SHB: variants seen among roughly 807,000 people sequenced by gnomAD.
SHB encodes SH2 domain-containing adapter protein B.
A neutral mutation model predicts 52.3 loss-of-function variants in SHB; 20 were observed. The observed-to-expected ratio is 0.38, with a 90% CI of 0.27 to 0.56. The LOEUF (loss-of-function observed/expected upper bound fraction) is 0.56, where lower values mean the gene tolerates loss of function less well. Ranked by LOEUF, SHB falls within the 20% of genes least tolerant of loss-of-function variation. SHB has a pLI of 0.71. For missense variants in SHB, 825 were observed against 723.3 expected (o/e 1.14, Z -1.61); for synonymous variants, 397 against 316.5 (o/e 1.25, Z -2.70).
In SHB at chr9:38,060,637, T is replaced by A. The variant is rs73439934; in HGVS notation, c.717+7292A>T. Among the ~76,000 whole-genome samples the A allele has an allele frequency of 3.7e-3, 560 of 152,294 alleles. 2 individuals are homozygous for A. The highest frequency in any genetic ancestry group is 0.013 in the African/African-American group (525 of 41,546). The stretch of plus-strand genomic sequence containing the variant: ...ACAGAACTGCACCTAGCTCAGAGTA[T>A]GTATAATAAAAGTATTAGCTAATAT... On this transcript the variant is annotated intron_variant, in intron 1 of 5. Coordinates refer to ENST00000377707, the MANE Select transcript of SHB (RefSeq NM_003028.3).
intron 3 of SHB, among the ~76,000 whole-genome samples, chr9:37,962,689 G>C (rs1832706847): frequency 6.6e-6 from 1 of 150,950 alleles, no homozygotes; most frequent in East Asian, 1.9e-4. Context: ...TTTTTTTTAA[G>C]TTTGTAGAGG....
rs1266070968 is a variant in SHB, at chr9:38,068,111, T to C, written c.535A>G (p.Ile179Val). ...TTGATGAGGCGGTGCTTGGGGGAGA[T>C]GTAGCGCACCTCGGCCGGCGTGGCG... is the stretch of plus-strand genomic sequence containing the variant. ...RPATPAEVRYISPKHRLIKVE... is the reference protein window; with the variant it reads ...RPATPAEVRYVSPKHRLIKVE... The change falls in exon 1 of 6, where the codon ATC (isoleucine) becomes GTC (valine). Residue 179 changes from isoleucine (I) to valine (V), a missense_variant. Physicochemically the swap from Ile to Val is conservative, Grantham distance 29 (BLOSUM62 3). Transcript: ENST00000377707. 2.4e-5 allele frequency: 35 copies of C among 1,471,746 alleles called. No individual in the cohort carries two copies. The highest frequency in any genetic ancestry group is 2.9e-5 in the Non-Finnish European group (33 of 1,123,694). The allele number at this position is 1,471,746 out of a possible 1,614,324, so 91.2% of individuals were successfully genotyped here.
At chr9:37,996,016 A>ATTT (rs1223581910) in intron 2 of SHB, among the ~76,000 whole-genome samples, 4 of 152,208 alleles carry the variant, frequency 2.6e-5, no homozygotes, top group Non-Finnish European at 5.9e-5. Flanking sequence ...TTCACCAGAA[A>ATTT]GCTCCCACTG....
chr9:37,953,981 T>C (rs1453084220), intron 4 of SHB, among the ~76,000 whole-genome samples: 3 of 152,024 alleles, frequency 2.0e-5, no homozygotes, highest in East Asian at 1.9e-4. Context: ...AGCCCAACCC[T>C]CCCACCTTGA....
At chr9:37,954,811 G>A (rs1832609585) in intron 4 of SHB, among the ~76,000 whole-genome samples, 1 of 152,180 alleles carries the variant, frequency 6.6e-6, no homozygotes, top group Non-Finnish European at 1.5e-5. Flanking sequence ...AGGTAATGTG[G>A]AGCCACTGAA....
In SHB at chr9:38,042,175, C is replaced by T. The variant is rs556385818; in HGVS notation, c.717+25754G>A. On this transcript the variant is annotated intron_variant, in intron 1 of 5. Transcript: ENST00000377707. ...GTATGTTACTTAAACCCTCTGTGCC[C>T]CTGTCTCCTCATCAGGGTAACGAAA... Among the ~76,000 whole-genome samples the T allele has an allele frequency of 2.9e-3, 441 of 152,288 alleles. 3 individuals are homozygous for T. The highest frequency in any genetic ancestry group is 0.01 in the African/African-American group (425 of 41,556).
intron 2 of SHB, among the ~76,000 whole-genome samples, chr9:37,975,258 C>T (rs1357940055): frequency 1.3e-5 from 2 of 152,178 alleles, no homozygotes; most frequent in African/African-American, 2.4e-5. Context: ...CTCATCTGTA[C>T]AAGGAAAAGA....
chr9:37,933,356 C>A (rs1455262570), intron 5 of SHB, among the ~76,000 whole-genome samples: 1 of 152,228 alleles, frequency 6.6e-6, no homozygotes, highest in Non-Finnish European at 1.5e-5. Flanking sequence ...GTTTCCCCAT[C>A]TACATGATGA....
intron 2 of SHB, among the ~76,000 whole-genome samples, chr9:37,979,787 TCTCTA>T (rs1820701612): frequency 6.6e-6 from 1 of 152,114 alleles, no homozygotes; most frequent in Non-Finnish European, 1.5e-5. Context: ...TGAAACCCCA[TCTCTA>T]CTAATAATAC....
At chr9:37,961,233 G>A (rs776662271) in intron 3 of SHB, among the ~76,000 whole-genome samples, 2 of 152,210 alleles carry the variant, frequency 1.3e-5, no homozygotes, top group African/African-American at 2.4e-5. Context: ...CAGCCTGGGT[G>A]CTGTGGGTGC....
At chr9:37,951,974 C>T (rs1832572113) in intron 4 of SHB, among the ~76,000 whole-genome samples, 1 of 152,128 alleles carries the variant, frequency 6.6e-6, no homozygotes, top group Admixed American at 6.5e-5. Flanking sequence ...GGCAGGAGGT[C>T]ATCTCAGGGA....
chr9:38,046,939 G>C (rs1821659770), intron 1 of SHB, among the ~76,000 whole-genome samples: 1 of 152,218 alleles, frequency 6.6e-6, no homozygotes. Context: ...ATGGGGCCTG[G>C]TGAGAGAAAA....
chr9:38,000,101 T>C (rs534237654), intron 2 of SHB, among the ~76,000 whole-genome samples: 1 of 152,314 alleles, frequency 6.6e-6, no homozygotes, highest in East Asian at 1.9e-4. Context: ...CACAGGTAGC[T>C]TCAAGGAGAC....
chr9:37,965,973 C>T (rs1820509232), intron 3 of SHB, among the ~76,000 whole-genome samples: 1 of 152,138 alleles, frequency 6.6e-6, no homozygotes, highest in Non-Finnish European at 1.5e-5. Flanking sequence ...TTGTTAGGGG[C>T]CTCCAGGATT....
chr9:37,927,788 T>C (rs193095810), intron 5 of SHB, among the ~76,000 whole-genome samples: 13 of 151,788 alleles, frequency 8.6e-5, no homozygotes, highest in African/African-American at 2.7e-4. Flanking sequence ...CCTTTTGTAG[T>C]CCCCCCTCAG....
chr9:38,062,753 A>G (rs1331846610), intron 1 of SHB, among the ~76,000 whole-genome samples: 1 of 152,114 alleles, frequency 6.6e-6, no homozygotes, highest in East Asian at 1.9e-4. Context: ...CTATAATAAA[A>G]CCTTATCGTT....
intron 2 of SHB, among the ~76,000 whole-genome samples, chr9:37,990,709 AT>A (rs1564096031): frequency 6.6e-6 from 1 of 152,184 alleles, no homozygotes; most frequent in Non-Finnish European, 1.5e-5. Flanking sequence ...CTGCTCACAA[AT>A]TTTGCTACAG....
At position 37,974,852 on chromosome 9, in the gene SHB, GA is replaced by G; in HGVS notation, c.839-16del. The G allele has an allele frequency of 6.2e-7, 1 of 1,605,012 alleles. No individual in the cohort carries two copies. Among genetic ancestry groups the G allele is most frequent in the South Asian group, 1.1e-5 (1 of 90,866 alleles). On this transcript the variant is annotated splice_polypyrimidine_tract_variant and intron_variant, in intron 2 of 5. Transcript: ENST00000377707. ...CCTCTGAAATTCTGCAGGCAAAAAG[GA>G]AGGAAGCAGAGATGAAATGGATACT...
chr9:38,042,057 G>T (rs1207049582), intron 1 of SHB, among the ~76,000 whole-genome samples: 2 of 152,154 alleles, frequency 1.3e-5, no homozygotes, highest in Admixed American at 6.5e-5. Flanking sequence ...CGGGGGAAAC[G>T]TGCCGACGTC....
Sources: gnomAD v4.1 joint callset for allele counts (sites outside exome capture counted in the v4.1 genomes callset) on GRCh38, gnomAD v4.1.1 for gene constraint, MANE v1.5 for transcripts, NCBI Gene and HGNC (gene_info 2026-07-23, HGNC 2026-07-21) for gene names.